The following CHD6 variants were observed in gnomAD, a reference collection of about 807,000 sequenced individuals.
CHD6 encodes the protein chromodomain helicase DNA binding protein 6.
CHD6 carries 50 observed loss-of-function variants against 276.9 expected under a neutral mutation model. That is an observed-to-expected ratio of 0.18 (90% CI 0.14 to 0.23). The LOEUF (loss-of-function observed/expected upper bound fraction) is 0.23. CHD6 is among the 10% of genes least tolerant of loss of function. The probability of loss-of-function intolerance (pLI) is 1.00; values close to 1 mark genes in which losing one functional copy is unlikely to be tolerated. For missense variants in CHD6, 2,564 were observed against 3,365.8 expected, an observed-to-expected ratio of 0.76 and a Z score of 5.89; for synonymous variants, 1,173 against 1,229.3, an observed-to-expected ratio of 0.95 and a Z score of 0.96.
chr20:41,610,809 T>C (rs2045880022), intron 1 of CHD6, among the ~76,000 whole-genome samples: 2 of 151,968 alleles, frequency 1.3e-5, no homozygotes, highest in South Asian at 2.1e-4. Context: ...AGTTAATTGA[T>C]AGATAAACCT....
At chr20:41,524,579 A>G (rs138095333) in intron 3 of CHD6, among the ~76,000 whole-genome samples, 102 of 152,348 alleles carry the variant, frequency 6.7e-4, no homozygotes, top group African/African-American at 2.3e-3. Context: ...AGTATAACCC[A>G]TCCTCAGTAC....
At chr20:41,536,346 T>TA (rs918753014) in intron 2 of CHD6, among the ~76,000 whole-genome samples, 27 of 152,204 alleles carry the variant, frequency 1.8e-4, no homozygotes, top group African/African-American at 6.3e-4. Flanking sequence ...GCACTGTTAG[T>TA]AAAAAACTCG....
intron 17 of CHD6, among the ~76,000 whole-genome samples, chr20:41,470,354 TAA>T (rs796889786): frequency 3.5e-5 from 5 of 144,450 alleles, no homozygotes; most frequent in Non-Finnish European, 3.1e-5. Context: ...GGCTAGACTT[TAA>T]AAAAAAAAAA....
rs996958394 is a variant in CHD6, at chr20:41,553,420, G to A, written c.-23-2060C>T. ...AACTGTTGGACATGCTCACAGGCAC[G>A]TTCCAGCTCATAGCCTATGCCCATT... is the stretch of plus-strand genomic sequence containing the variant. On this transcript the variant is annotated intron_variant, in intron 1 of 36. Transcript: ENST00000373233. 2.2e-4 allele frequency among the ~76,000 whole-genome samples: 33 copies of A among 152,192 alleles called. 1 individual carries two copies. The highest frequency in any genetic ancestry group is 1.5e-3 in the Admixed American group (23 of 15,286).
At chr20:41,602,229 C>T (rs765474922) in intron 1 of CHD6, among the ~76,000 whole-genome samples, 3 of 152,160 alleles carry the variant, frequency 2.0e-5, no homozygotes, top group African/African-American at 7.2e-5. Flanking sequence ...ACATGAATTA[C>T]AAGAATTTCA....
intron 25 of CHD6, among the ~76,000 whole-genome samples, chr20:41,440,400 T>A (rs1342636973): frequency 4.6e-5 from 7 of 152,238 alleles, no homozygotes; most frequent in African/African-American, 1.7e-4. Flanking sequence ...CAATTCTGTT[T>A]GCTGCTTCCC....
At position 41,421,102 on chromosome 20, in the gene CHD6, T is replaced by C. The variant is rs1280170333; in HGVS notation, c.5533A>G (p.Ile1845Val). 1.2e-6 allele frequency: 2 copies of C among 1,614,174 alleles called. No homozygotes were observed. Among genetic ancestry groups the C allele is most frequent in the Non-Finnish European group, 8.5e-7 (1 of 1,180,032 alleles). ...KRNLSSDQQL[I>V]DLLENKSLES... ...AAGCTTTTGTTTTCCAATAAATCAA[T>C]TAATTGCTGATCTGATGACAGGTTT... The change falls in exon 31 of 37, where the codon ATT becomes GTT. Residue 1845 changes from isoleucine (I) to valine (V), a missense_variant. Around this residue, in one of 7 missense-constraint regions of CHD6, gnomAD observed 1,024 missense variants for 1,047.9 expected, o/e 0.98. Transcript: ENST00000373233.
At chr20:41,489,182 C>T (rs1243288180) in intron 12 of CHD6, among the ~76,000 whole-genome samples, 1 of 152,160 alleles carries the variant, frequency 6.6e-6, no homozygotes, top group Admixed American at 6.5e-5. Flanking sequence ...CCAAGTGTCT[C>T]TGCTGTTTTT....
At chr20:41,539,250 A>C (rs1158952324) in intron 2 of CHD6, among the ~76,000 whole-genome samples, 5 of 152,114 alleles carry the variant, frequency 3.3e-5, no homozygotes, top group Non-Finnish European at 7.4e-5. Context: ...TCTTCTCTCT[A>C]GGATCTGCAA....
chr20:41,450,905 A>G, intron 23 of CHD6, 41 bp downstream of exon 23: 1 of 1,581,236 alleles, frequency 6.3e-7, no homozygotes, highest in Non-Finnish European at 8.6e-7. Flanking sequence ...AAGCAGTCTG[A>G]GCCGGGCTGC....
chr20:41,615,349 C>CAAAAA lies in CHD6; in HGVS notation c.-24+2986_-24+2990dup, dbSNP rs11379388. ...CTCACAAGCATGTCACATTCCATTG[C>CAAAAA]AAAAAAAAAAAAAAAAGTTCTCTAG... On this transcript the variant is annotated intron_variant, in intron 1 of 36. Transcript: ENST00000373233. Among the ~76,000 whole-genome samples the CAAAAA allele has an allele frequency of 8.8e-5, 11 of 124,350 alleles. No individual in the cohort carries two copies. The East Asian group carries it at 1.3e-3, about 15-fold the overall frequency. The allele number at this position is 124,350 out of a possible 152,430, so 81.6% of individuals were successfully genotyped here.
intron 3 of CHD6, among the ~76,000 whole-genome samples, chr20:41,518,588 C>A (rs1287935649): frequency 6.6e-6 from 1 of 152,010 alleles, no homozygotes; most frequent in Non-Finnish European, 1.5e-5. Flanking sequence ...AGGAAAATAC[C>A]GGCAGAAACG....
intron 1 of CHD6, among the ~76,000 whole-genome samples, chr20:41,568,498 G>A (rs967697594): frequency 6.6e-6 from 1 of 152,210 alleles, no homozygotes; most frequent in Non-Finnish European, 1.5e-5. Flanking sequence ...GGTTGCCCAG[G>A]CTCAGCACTC....
chr20:41,437,820 C>T (rs925629093), intron 26 of CHD6, among the ~76,000 whole-genome samples: 1 of 152,004 alleles, frequency 6.6e-6, no homozygotes, highest in African/African-American at 2.4e-5. Flanking sequence ...GCATTCCAAG[C>T]CTTAGTTTTT....
chr20:41,479,931 A>C (rs1319905133), intron 16 of CHD6, among the ~76,000 whole-genome samples: 1 of 152,188 alleles, frequency 6.6e-6, no homozygotes, highest in Non-Finnish European at 1.5e-5. Flanking sequence ...AGAATCCTAC[A>C]GGCTTCGAAC....
rs2048223171 is a variant in CHD6 at position 41,451,044 on chromosome 20, G to A, written c.3585C>T (p.Ile1195=). 6.2e-7 allele frequency: 1 copy of A among 1,613,848 alleles called. No homozygotes were observed. Among genetic ancestry groups the A allele is most frequent in the African/African-American group, 1.3e-5 (1 of 74,946 alleles). ...KGKKTKNQLL[I]PELKDADWLA... is the part of the protein sequence containing the mutation. Reference sequence around the variant, plus strand: ...GCCAATCTGCATCCTTTAGCTCTGGGATTAGCAACTGGTTCTTCGTCTTCT... The same window carrying A: ...GCCAATCTGCATCCTTTAGCTCTGGAATTAGCAACTGGTTCTTCGTCTTCT... Residue 1195 remains isoleucine, a synonymous_variant, in exon 23 of 37, where the codon ATC becomes ATT. Coordinates refer to ENST00000373233, the MANE Select transcript of CHD6 (RefSeq NM_032221.5).
At position 41,518,212 on chromosome 20, in the gene CHD6, C is replaced by T. The variant is rs529847838; in HGVS notation, c.555-3260G>A. ...AAATCAATTTCATCTACTTACTAAA[C>T]GTAACTTCATTATATTAGAACACTG... On this transcript the variant is annotated intron_variant, in intron 3 of 36. Coordinates refer to ENST00000373233, the MANE Select transcript of CHD6 (RefSeq NM_032221.5). 5.3e-5 allele frequency among the ~76,000 whole-genome samples: 8 copies of T among 152,300 alleles called. No individual in the cohort carries two copies. In the East Asian group the frequency reaches 1.2e-3, roughly 22 times the overall value.
intron 3 of CHD6, among the ~76,000 whole-genome samples, chr20:41,531,841 A>G (rs1226687632): frequency 1.3e-5 from 2 of 150,300 alleles, no homozygotes; most frequent in East Asian, 1.9e-4. Flanking sequence ...GCATTCTTAA[A>G]ATTACCTCCT....
intron 1 of CHD6, among the ~76,000 whole-genome samples, chr20:41,559,470 T>C (rs1018161213): frequency 3.3e-5 from 5 of 152,216 alleles, no homozygotes; most frequent in African/African-American, 1.2e-4. Context: ...CCAAACCTAA[T>C]GGGCATTTTT....
Sources: gnomAD v4.1 joint callset for allele counts (sites outside exome capture counted in the v4.1 genomes callset) on GRCh38, gnomAD v4.1.1 for gene constraint, gnomAD v4.1.1 regional missense constraint, MANE v1.5 for transcripts, NCBI Gene and HGNC (gene_info 2026-07-23, HGNC 2026-07-21) for gene names.